The following TRMO variants were observed in gnomAD, a reference collection of about 807,000 sequenced individuals.
TRMO encodes the protein tRNA (adenine(37)-N6)-methyltransferase.
A neutral mutation model predicts 37.2 loss-of-function variants in TRMO; 30 were observed. That is an observed-to-expected ratio of 0.81 (90% CI 0.60 to 1.09). The LOEUF (loss-of-function observed/expected upper bound fraction) is 1.09, where lower values mean the gene tolerates loss of function less well. Ranked by LOEUF, TRMO falls within the 50% of genes least tolerant of loss-of-function variation. The probability of loss-of-function intolerance (pLI) is 0.00; values close to 1 mark genes in which losing one functional copy is unlikely to be tolerated. For synonymous variants in TRMO, 239 were observed against 199.4 expected (o/e 1.20, Z -1.67); for missense variants, 552 against 549.5 (o/e 1.00, Z -0.05).
Position 97,910,291 on chromosome 9 carries a change from A to G in TRMO, c.735T>C (p.Pro245=). ...SDTARIQQAF[P]MHREIAVDFG... is the part of the protein sequence containing the mutation. ...AATCCACTGCTATCTCCCTGTGCAT[A>G]GGAAATGCTTGCTGAATTCTGGCTG... The change falls in exon 4 of 5, where the codon CCT becomes CCC. Residue 245 remains proline, a synonymous_variant. Coordinates refer to ENST00000375119, the MANE Select transcript of TRMO (RefSeq NM_016481.5). 6.2e-7 allele frequency: 1 copy of G among 1,614,220 alleles called. No individual in the cohort carries two copies.
At chr9:97,919,425 A>G (rs1826522048) in intron 1 of TRMO, among the ~76,000 whole-genome samples, 1 of 146,904 alleles carries the variant, frequency 6.8e-6, no homozygotes, top group Non-Finnish European at 1.5e-5. Flanking sequence ...AAAAGAAAGG[A>G]AAGGGAGGAA....
In TRMO at chr9:97,912,119, T is replaced by C. The variant is rs532195761; in HGVS notation, c.409+1282A>G. 2.6e-5 allele frequency: 4 copies of C among 152,332 alleles called. No homozygotes were observed. In the East Asian group the frequency reaches 7.7e-4, roughly 29 times the overall value. 9.4% of individuals were successfully genotyped at this position (152,332 alleles called of 1,614,324 possible). On this transcript the variant is annotated intron_variant, in intron 3 of 4. Transcript: ENST00000375119. ...AGCCCTAGTTTCCTCACCTATGAGA[T>C]GAGGATTGCTACTTTGTCAAACCCA... is the stretch of plus-strand genomic sequence containing the variant.
At chr9:97,903,305 A>G (rs1244004207), downstream of TRMO, among the ~76,000 whole-genome samples, 1 of 152,026 alleles carries the variant, frequency 6.6e-6, no homozygotes, top group Non-Finnish European at 1.5e-5. Context: ...AATTAAAGAT[A>G]CCTCCCCAAG....
chr9:97,908,150 C>T (rs1173793582), intron 4 of TRMO, among the ~76,000 whole-genome samples: 1 of 152,150 alleles, frequency 6.6e-6, no homozygotes, highest in Non-Finnish European at 1.5e-5. Flanking sequence ...CGGTGGCTCA[C>T]ACCTGTAATC....
At chr9:97,906,661 T>C (rs1241115701) in intron 4 of TRMO, among the ~76,000 whole-genome samples, 2 of 152,070 alleles carry the variant, frequency 1.3e-5, no homozygotes, top group African/African-American at 2.4e-5. Flanking sequence ...ATCTGACACA[T>C]ACTGCACTGC....
At chr9:97,918,227 A>C (rs533858352) in intron 1 of TRMO, among the ~76,000 whole-genome samples, 1 of 138,312 alleles carries the variant, frequency 7.2e-6, no homozygotes, top group African/African-American at 2.8e-5. Context: ...CTAGAAGTAC[A>C]AAAAAAAAAA....
downstream of TRMO, among the ~76,000 whole-genome samples, chr9:97,903,026 G>A (rs1316559215): frequency 1.3e-5 from 2 of 152,172 alleles, no homozygotes; most frequent in Admixed American, 6.5e-5. Context: ...CAGCACTTTG[G>A]GAGGCTGAGG....
At chr9:97,901,344 T>C (rs994679768), downstream of TRMO, among the ~76,000 whole-genome samples, 2 of 152,046 alleles carry the variant, frequency 1.3e-5, no homozygotes, top group Admixed American at 1.3e-4. Flanking sequence ...GGCCAAAGAG[T>C]CTTAAAAATC....
Position 97,919,402 on chromosome 9 carries a change from A to G in TRMO, c.76+3016T>C, listed in dbSNP as rs111999702. On this transcript the variant is annotated intron_variant, in intron 1 of 4. Coordinates refer to ENST00000375119, the MANE Select transcript of TRMO (RefSeq NM_016481.5). ...GAAAGAAAAGAAAAGAAAAGAGAAA[A>G]GAAAAAGGAAAGAAAAGAAAGGAAA... Among the ~76,000 whole-genome samples the G allele has an allele frequency of 3.3e-3, 500 of 151,878 alleles. 3 individuals carry two copies. The highest frequency in any genetic ancestry group is 0.012 in the African/African-American group (480 of 41,526).
At chr9:97,900,524 AATC>A (rs1401281385), downstream of TRMO, among the ~76,000 whole-genome samples, 1 of 152,234 alleles carries the variant, frequency 6.6e-6, no homozygotes, top group Non-Finnish European at 1.5e-5. Flanking sequence ...TCATGTGCTG[AATC>A]ATATGGAACT....
At chr9:97,910,794 T>C in intron 3 of TRMO, 178 bp from the exon 4 acceptor site, 3 of 694,266 alleles carry the variant, frequency 4.3e-6, no homozygotes, top group Non-Finnish European at 7.2e-6. Flanking sequence ...TCCTCTTCTC[T>C]ACCTATCAAA....
chr9:97,910,507 T>G lies in TRMO; in HGVS notation c.519A>C (p.Leu173Phe), dbSNP rs1158499034. ...GGTTATTCTGTAAATTAAAGTCTGC[T>G]AAAGGCTCCATCACATTTTGCGGTG... ...YDSPQNVMEP[L>F]ADFNLQNNQH... is the part of the protein sequence containing the mutation. Residue 173 changes from leucine to phenylalanine, a missense_variant, in exon 4 of 5, where the codon TTA (leucine) becomes TTC (phenylalanine). Leu to Phe is a conservative substitution (Grantham distance 22). Coordinates refer to ENST00000375119, the MANE Select transcript of TRMO (RefSeq NM_016481.5). 6.2e-7 allele frequency: 1 copy of G among 1,614,224 alleles called. No homozygotes were observed. The highest frequency in any genetic ancestry group is 8.5e-7 in the Non-Finnish European group (1 of 1,180,044).
At position 97,922,458 on chromosome 9, in the gene TRMO, T is replaced by G; in HGVS notation, c.36A>C (p.Thr12=). ...RGLEESGPRP[T]ATPCGCVKPA... ...GCTTAACGCAGCCGCACGGGGTCGC[T>G]GTAGGCCGAGGCCCCGACTCCTCCA... Residue 12 remains threonine, a synonymous_variant, in exon 1 of 5, where the codon ACA becomes ACC. Coordinates refer to ENST00000375119, the MANE Select transcript of TRMO (RefSeq NM_016481.5). 6.3e-7 allele frequency: 1 copy of G among 1,588,524 alleles called. No homozygotes were observed. The highest frequency in any genetic ancestry group is 8.6e-7 in the Non-Finnish European group (1 of 1,168,554).
Position 97,922,477 on chromosome 9 carries a change from T to C in TRMO, c.17A>G (p.Glu6Gly), listed in dbSNP as rs1022715159. The C allele has an allele frequency of 5.1e-6, 8 of 1,579,686 alleles. No homozygotes were observed. The highest frequency in any genetic ancestry group is 1.3e-5 in the African/African-American group (1 of 74,506). The change falls in exon 1 of 5, where the codon GAG becomes GGG. Residue 6 changes from glutamate (E) to glycine (G), a missense_variant. Glu to Gly is a moderately conservative substitution (Grantham distance 98). Coordinates refer to ENST00000375119, the MANE Select transcript of TRMO (RefSeq NM_016481.5). ...GGTCGCTGTAGGCCGAGGCCCCGAC[T>C]CCTCCAAGCCGCGCATGGCTACTGG... The part of the protein sequence containing the change: MRGLE[E>G]SGPRPTATPC...
At chr9:97,913,597 A>G (rs1370767760) in intron 2 of TRMO, 39 bp from the exon 3 acceptor site, 1 of 1,365,110 alleles carries the variant, frequency 7.3e-7, no homozygotes, top group Admixed American at 1.8e-5. Flanking sequence ...GGAATAAGAA[A>G]AGAGCACAAG....
At chr9:97,916,041 A>G in intron 2 of TRMO, 123 bp downstream of exon 2, 1 of 640,358 alleles carries the variant, frequency 1.6e-6, no homozygotes, top group Non-Finnish European at 2.6e-6. Context: ...TGACTCAAAA[A>G]CAAAACAAAA....
chr9:97,916,578 T>C (rs966773085), intron 1 of TRMO, among the ~76,000 whole-genome samples: 9 of 152,002 alleles, frequency 5.9e-5, no homozygotes, highest in Admixed American at 3.3e-4. Context: ...GAAAGAATAA[T>C]GGTCCAAGAA....
intron 4 of TRMO, among the ~76,000 whole-genome samples, chr9:97,907,752 A>G (rs1825916673): frequency 6.6e-6 from 1 of 152,008 alleles, no homozygotes; most frequent in African/African-American, 2.4e-5. Context: ...CCCTTAGGTG[A>G]CCTCGTCCCT....
At chr9:97,919,709 G>T (rs1407984081) in intron 1 of TRMO, among the ~76,000 whole-genome samples, 1 of 152,216 alleles carries the variant, frequency 6.6e-6, no homozygotes, top group Admixed American at 6.5e-5. Flanking sequence ...CACTAAATCA[G>T]TCTATGCCTG....
Sources: allele counts gnomAD v4.1 joint callset (sites outside exome capture counted in the v4.1 genomes callset), GRCh38; gene constraint gnomAD v4.1.1; transcripts MANE v1.5; gene names NCBI Gene and HGNC (gene_info 2026-07-23, HGNC 2026-07-21).